Variants in C16orf74 observed in about 807,000 individuals in gnomAD.
The protein encoded by C16orf74 is calcimembrin, also known as uncharacterized protein C16orf74.
C16orf74 carries 10 observed loss-of-function variants against 6.5 expected under a neutral mutation model. The observed-to-expected ratio is 1.54, with a 90% CI of 0.95 to 2.61. The LOEUF (loss-of-function observed/expected upper bound fraction) is 2.61. C16orf74 is among the 30% of genes most tolerant of loss of function. The probability of loss-of-function intolerance (pLI) is 0.00; values close to 1 mark genes in which losing one functional copy is unlikely to be tolerated. For synonymous variants in C16orf74, 60 were observed against 42.5 expected, an observed-to-expected ratio of 1.41 and a Z score of -1.60; for missense variants, 141 against 105.9, an observed-to-expected ratio of 1.33 and a Z score of -1.45.
intron 1 of C16orf74, among the ~76,000 whole-genome samples, chr16:85,736,361 G>C (rs549262990): frequency 2.6e-5 from 4 of 152,272 alleles, no homozygotes; most frequent in African/African-American, 9.6e-5. Context: ...GAGCAAGGCA[G>C]CAGCTCAGGC....
chr16:85,747,156 G>C (rs571412012), intron 1 of C16orf74, among the ~76,000 whole-genome samples: 25 of 152,126 alleles, frequency 1.6e-4, no homozygotes, highest in Non-Finnish European at 3.2e-4. Flanking sequence ...CTGGGCCACC[G>C]TGAAATAATA....
intron 1 of C16orf74, among the ~76,000 whole-genome samples, chr16:85,738,893 G>C (rs537706749): frequency 6.6e-6 from 1 of 152,272 alleles, no homozygotes; most frequent in Admixed American, 6.5e-5. Flanking sequence ...CATCTCACAG[G>C]AAACAGGCAC....
chr16:85,719,850 GCACACACAAAGGCCC>G (rs2054062699), intron 2 of C16orf74, among the ~76,000 whole-genome samples: 3 of 144,404 alleles, frequency 2.1e-5, no homozygotes, highest in African/African-American at 8.6e-5. Context: ...ACAGGCCACA[GCACACACAAAGGCCC>G]TGAGGCAGGA....
intron 2 of C16orf74, among the ~76,000 whole-genome samples, chr16:85,728,954 G>A (rs1243938674): frequency 1.3e-5 from 2 of 152,240 alleles, no homozygotes; most frequent in East Asian, 1.9e-4. Context: ...TCCTGACTCA[G>A]TTGATCCAGT....
chr16:85,721,583 T>C (rs1204583167), intron 2 of C16orf74, among the ~76,000 whole-genome samples: 1 of 152,208 alleles, frequency 6.6e-6, no homozygotes, highest in Non-Finnish European at 1.5e-5. Context: ...GAAATTCATA[T>C]ATAACTGGGC....
intron 2 of C16orf74, among the ~76,000 whole-genome samples, chr16:85,728,351 A>C (rs1333664080): frequency 2.0e-5 from 3 of 152,070 alleles, no homozygotes; most frequent in Non-Finnish European, 4.4e-5. Context: ...AATAAAGTCT[A>C]ATTAAAAAAA....
intron 2 of C16orf74, among the ~76,000 whole-genome samples, chr16:85,715,321 G>A (rs1402637350): frequency 6.6e-6 from 1 of 152,154 alleles, no homozygotes; most frequent in African/African-American, 2.4e-5. Flanking sequence ...TGGGGCCGAG[G>A]CGTGCGCTCC....
At chr16:85,710,508 A>C in intron 2 of C16orf74, 2 of 517,356 alleles carry the variant, frequency 3.9e-6, no homozygotes, top group Non-Finnish European at 6.6e-6. Context: ...GTCACATCTC[A>C]CAGAACCATG....
intron 1 of C16orf74, among the ~76,000 whole-genome samples, chr16:85,742,141 G>C (rs1200342151): frequency 6.6e-6 from 1 of 152,206 alleles, no homozygotes; most frequent in Non-Finnish European, 1.5e-5. Flanking sequence ...GGGAGGCTGA[G>C]GTGGCTGGAT....
chr16:85,747,324 C>T (rs992754730), intron 1 of C16orf74, among the ~76,000 whole-genome samples: 16 of 152,192 alleles, frequency 1.1e-4, no homozygotes, highest in African/African-American at 3.6e-4. Context: ...TGGTGGCACA[C>T]ACCTGTGGTC....
chr16:85,708,004 C>T lies in C16orf74; in HGVS notation c.*4G>A. 1.3e-6 allele frequency: 2 copies of T among 1,552,188 alleles called. No homozygotes were observed. Among genetic ancestry groups the T allele is most frequent in the Non-Finnish European group, 1.7e-6 (2 of 1,147,296 alleles). On this transcript the variant is annotated 3_prime_UTR_variant, in exon 4 of 4. Coordinates refer to ENST00000284245, the MANE Select transcript of C16orf74 (RefSeq NM_206967.3). ...AGCCAGCCAGCCAAACCCAGGACAC[C>T]TCCTCAGGCTTCTGGGTCGATTTCT... is the stretch of plus-strand genomic sequence containing the variant.
At chr16:85,712,914 C>T (rs1039051148) in intron 2 of C16orf74, among the ~76,000 whole-genome samples, 10 of 152,268 alleles carry the variant, frequency 6.6e-5, no homozygotes, top group South Asian at 4.1e-4. Flanking sequence ...AGGGGGGCTC[C>T]GGGTCATGCC....
intron 2 of C16orf74, among the ~76,000 whole-genome samples, chr16:85,714,860 A>T (rs2054006701): frequency 6.6e-6 from 1 of 151,810 alleles, no homozygotes; most frequent in Admixed American, 6.6e-5. Context: ...CCTTCTTTAA[A>T]GAAGAGAACA....
At chr16:85,739,276 C>G (rs539668917) in intron 1 of C16orf74, among the ~76,000 whole-genome samples, 1 of 152,298 alleles carries the variant, frequency 6.6e-6, no homozygotes, top group Admixed American at 6.5e-5. Context: ...ACATCCCAAC[C>G]AAGCGCAGAC....
chr16:85,747,610 G>A (rs1219162684), intron 1 of C16orf74, among the ~76,000 whole-genome samples: 1 of 152,092 alleles, frequency 6.6e-6, no homozygotes, highest in Non-Finnish European at 1.5e-5. Context: ...TTATTACAAT[G>A]GGCATATCAT....
intron 1 of C16orf74, among the ~76,000 whole-genome samples, chr16:85,748,925 A>ATTTTTTTTTTTTTTTTTT (rs748594620): frequency 2.7e-5 from 2 of 73,118 alleles, no homozygotes; most frequent in African/African-American, 1.0e-4. Context: ...GGAGGCTTTG[A>ATTTTTTTTTTTTTTTTTT]TTTTTTTTTT....
chr16:85,710,286 C>T lies in C16orf74; in HGVS notation c.50G>A (p.Ser17Asn), dbSNP rs1352893505. ...CLKGFQMCVSSSSSSHDEAPV... is the reference protein window; with the variant it reads ...CLKGFQMCVSNSSSSHDEAPV... ...GGCCTCGTCGTGGCTGCTGCTGCTG[C>T]TGCTGACACACATTTGAAAGCCTGA... The change falls in exon 3 of 4, where the codon AGC (serine) becomes AAC (asparagine). Residue 17 changes from serine (S) to asparagine (N), a missense_variant. By Grantham distance (46) the Ser-to-Asn change is conservative. Transcript: ENST00000284245. The T allele has an allele frequency of 6.6e-6, 10 of 1,511,432 alleles. No individual in the cohort carries two copies. The highest frequency in any genetic ancestry group is 7.9e-6 in the Non-Finnish European group (9 of 1,140,062). 93.6% of individuals were successfully genotyped at this position (1,511,432 alleles called of 1,614,324 possible).
intron 1 of C16orf74, among the ~76,000 whole-genome samples, chr16:85,749,816 G>A (rs538181442): frequency 6.0e-4 from 92 of 152,346 alleles, no homozygotes; most frequent in Non-Finnish European, 1.3e-3. Flanking sequence ...CACCCCACCG[G>A]CATGGGAAGG....
intron 1 of C16orf74, among the ~76,000 whole-genome samples, chr16:85,736,714 G>A (rs1271853773): frequency 1.3e-5 from 2 of 152,198 alleles, no homozygotes; most frequent in Admixed American, 6.5e-5. Context: ...CCAGCCATGT[G>A]ATCACGGATA....
Sources: gnomAD v4.1 joint callset for allele counts (sites outside exome capture counted in the v4.1 genomes callset) on GRCh38, gnomAD v4.1.1 for gene constraint, MANE v1.5 for transcripts, NCBI Gene and HGNC (gene_info 2026-07-23, HGNC 2026-07-21) for gene names.